TAFA1: variants seen among roughly 807,000 people sequenced by gnomAD.
The protein encoded by TAFA1 is TAFA chemokine like family member 1, also known as chemokine-like protein TAFA-1.
Under a neutral mutation model 18.5 loss-of-function variants are expected in TAFA1, and 4 were observed. That is an observed-to-expected ratio of 0.22 (90% confidence interval 0.11 to 0.49). The LOEUF (loss-of-function observed/expected upper bound fraction) is 0.49, where lower values mean the gene tolerates loss of function less well. Ranked by LOEUF, TAFA1 falls within the 20% of genes least tolerant of loss-of-function variation. The pLI is 0.98. For missense variants in TAFA1, 147 were observed against 169.0 expected (o/e 0.87, Z 0.72); for synonymous variants, 56 against 55.2 (o/e 1.01, Z -0.06).
At chr3:68,073,313 A>C (rs1424632689) in intron 2 of TAFA1, among the ~76,000 whole-genome samples, 1 of 152,230 alleles carries the variant, frequency 6.6e-6, no homozygotes, top group Non-Finnish European at 1.5e-5. Flanking sequence ...TCAAGGTTGA[A>C]TGATTTACTC....
chr3:68,382,717 A>T (rs1012091668), intron 2 of TAFA1, among the ~76,000 whole-genome samples: 16 of 152,092 alleles, frequency 1.1e-4, no homozygotes, highest in African/African-American at 3.9e-4. Context: ...TATGAACTTT[A>T]AAATACTATT....
At chr3:68,248,784 C>A (rs2107154590) in intron 2 of TAFA1, among the ~76,000 whole-genome samples, 1 of 151,172 alleles carries the variant, frequency 6.6e-6, no homozygotes, top group African/African-American at 2.4e-5. Flanking sequence ...TGAAGTTTGC[C>A]AGGTGCAGGT....
chr3:68,406,964 A>C (rs1042190382), intron 2 of TAFA1, among the ~76,000 whole-genome samples: 14 of 152,304 alleles, frequency 9.2e-5, no homozygotes, highest in South Asian at 4.2e-4. Flanking sequence ...CCAACGTATA[A>C]GCCATTTTCT....
In TAFA1 at chr3:68,421,967, T is replaced by C. The variant is rs142792423; in HGVS notation, c.259+4547T>C. Among the ~76,000 whole-genome samples the C allele has an allele frequency of 1.8e-4, 27 of 152,212 alleles. No homozygotes were observed. The East Asian group carries it at 5.2e-3, about 29-fold the overall frequency. Reference sequence around the variant, plus strand: ...CATCTTCAGGAATGCATGTTTATAATAGGAATTTTGAAAATTTCAGAGATA... The same window carrying C: ...CATCTTCAGGAATGCATGTTTATAACAGGAATTTTGAAAATTTCAGAGATA... On this transcript the variant is annotated intron_variant, in intron 3 of 4. Coordinates refer to ENST00000478136, the MANE Select transcript of TAFA1 (RefSeq NM_213609.4).
intron 3 of TAFA1, among the ~76,000 whole-genome samples, chr3:68,536,729 G>A (rs999384705): frequency 6.6e-6 from 1 of 152,136 alleles, no homozygotes; most frequent in African/African-American, 2.4e-5. Flanking sequence ...CAGAAAATGT[G>A]TGCTGTAAAT....
chr3:68,111,522 G>T (rs2065261654), intron 2 of TAFA1, among the ~76,000 whole-genome samples: 1 of 151,986 alleles, frequency 6.6e-6, no homozygotes, highest in Non-Finnish European at 1.5e-5. Context: ...AATTAATTAT[G>T]AATATAAATG....
chr3:68,471,420 A>C (rs1354115380), intron 3 of TAFA1, among the ~76,000 whole-genome samples: 1 of 152,106 alleles, frequency 6.6e-6, no homozygotes, highest in African/African-American at 2.4e-5. Context: ...AGCCACAGAC[A>C]CTCAACATCA....
chr3:68,137,122 G>A (rs545499954), intron 2 of TAFA1, among the ~76,000 whole-genome samples: 130 of 152,110 alleles, frequency 8.5e-4, no homozygotes, highest in Admixed American at 5.0e-3. Flanking sequence ...TACTTTATGG[G>A]AAAAATCTCT....
chr3:68,009,475 G>A (rs192701594), intron 2 of TAFA1, among the ~76,000 whole-genome samples: 254 of 152,140 alleles, frequency 1.7e-3, no homozygotes, highest in African/African-American at 5.9e-3. Flanking sequence ...TGATCTGTGC[G>A]TCAAATACCC....
intron 2 of TAFA1, among the ~76,000 whole-genome samples, chr3:68,042,665 A>T (rs1705190220): frequency 6.6e-6 from 1 of 152,138 alleles, no homozygotes; most frequent in Non-Finnish European, 1.5e-5. Flanking sequence ...CACAAACAAA[A>T]ACTTTATGTA....
chr3:68,400,781 C>T (rs1484822262), intron 2 of TAFA1, among the ~76,000 whole-genome samples: 1 of 152,088 alleles, frequency 6.6e-6, no homozygotes, highest in Non-Finnish European at 1.5e-5. Flanking sequence ...GGAAAATACA[C>T]TAGGTGGAAA....
chr3:68,327,579 G>C (rs2068797229), intron 2 of TAFA1, among the ~76,000 whole-genome samples: 1 of 152,074 alleles, frequency 6.6e-6, no homozygotes, highest in African/African-American at 2.4e-5. Flanking sequence ...GTAAAATTGA[G>C]CTAACAATAT....
intron 3 of TAFA1, among the ~76,000 whole-genome samples, chr3:68,504,071 G>A (rs2072707543): frequency 1.3e-5 from 2 of 152,044 alleles, no homozygotes; most frequent in African/African-American, 2.4e-5. Flanking sequence ...AATATACGTG[G>A]AGAAGGGACA....
intron 2 of TAFA1, among the ~76,000 whole-genome samples, chr3:68,015,068 G>T (rs1704542419): frequency 6.6e-6 from 1 of 152,054 alleles, no homozygotes; most frequent in Non-Finnish European, 1.5e-5. Flanking sequence ...ATCAAAAGGG[G>T]ATGTTCTGTG....
intron 3 of TAFA1, among the ~76,000 whole-genome samples, chr3:68,505,660 A>G (rs1380022369): frequency 6.6e-6 from 1 of 151,952 alleles, no homozygotes; most frequent in Non-Finnish European, 1.5e-5. Context: ...CAGATGTATG[A>G]CTGGGGACCC....
At chr3:68,111,132 A>G (rs1185632313) in intron 2 of TAFA1, among the ~76,000 whole-genome samples, 1 of 152,208 alleles carries the variant, frequency 6.6e-6, no homozygotes, top group Non-Finnish European at 1.5e-5. Context: ...ATTGTTTTTT[A>G]CAAGCAACAT....
At chr3:68,181,183 C>T (rs1430254262) in intron 2 of TAFA1, among the ~76,000 whole-genome samples, 1 of 152,132 alleles carries the variant, frequency 6.6e-6, no homozygotes, top group African/African-American at 2.4e-5. Flanking sequence ...TTGCTGTCAT[C>T]TTGATTGCAG....
chr3:68,343,382 A>T (rs1415256608), intron 2 of TAFA1, among the ~76,000 whole-genome samples: 1 of 152,156 alleles, frequency 6.6e-6, no homozygotes, highest in Non-Finnish European at 1.5e-5. Flanking sequence ...TGTGATTCTT[A>T]TGTACACTAA....
intron 3 of TAFA1, among the ~76,000 whole-genome samples, chr3:68,480,738 T>G (rs2072219056): frequency 6.6e-6 from 1 of 152,192 alleles, no homozygotes; most frequent in Non-Finnish European, 1.5e-5. Context: ...ACTATAGGAA[T>G]CCCTGTAAGT....
Sources: allele counts gnomAD v4.1 joint callset (sites outside exome capture counted in the v4.1 genomes callset), GRCh38; gene constraint gnomAD v4.1.1; transcripts MANE v1.5; gene names NCBI Gene and HGNC (gene_info 2026-07-23, HGNC 2026-07-21).